LRRTM3: variants seen among roughly 807,000 people sequenced by gnomAD.
LRRTM3 encodes leucine-rich repeat transmembrane neuronal protein 3.
LRRTM3 carries 24 observed loss-of-function variants against 44.7 expected under a neutral mutation model. That is an observed-to-expected ratio of 0.54 (90% confidence interval 0.39 to 0.76). LRRTM3 has a LOEUF of 0.76. Among genes scored for constraint, LRRTM3 ranks in the 30% least tolerant of loss-of-function variants. LRRTM3 has a pLI of 0.00. For synonymous variants in LRRTM3, 277 were observed against 278.7 expected (o/e 0.99, Z 0.06); for missense variants, 587 against 702.2 (o/e 0.84, Z 1.85).
chr10:67,055,227 A>G (rs1174961815), intron 2 of LRRTM3, among the ~76,000 whole-genome samples: 1 of 152,190 alleles, frequency 6.6e-6, no homozygotes, highest in African/African-American at 2.4e-5. Context: ...ATGGAACATA[A>G]GTTTGTTTTT....
chr10:67,072,277 C>T (rs1435381390), intron 2 of LRRTM3, among the ~76,000 whole-genome samples: 1 of 152,068 alleles, frequency 6.6e-6, no homozygotes, highest in Non-Finnish European at 1.5e-5. Flanking sequence ...TCTATGTGTC[C>T]CACTTCTCCA....
chr10:67,053,441 C>T (rs1310700458), intron 2 of LRRTM3, among the ~76,000 whole-genome samples: 1 of 152,058 alleles, frequency 6.6e-6, no homozygotes, highest in African/African-American at 2.4e-5. Context: ...GTACTCAAAA[C>T]CAAATACTAA....
chr10:67,018,436 T>C (rs1852796055), intron 2 of LRRTM3, among the ~76,000 whole-genome samples: 3 of 152,242 alleles, frequency 2.0e-5, no homozygotes, highest in African/African-American at 7.2e-5. Context: ...GTATTTTGCA[T>C]TTCTAGTATG....
At chr10:67,055,049 A>T (rs539991431) in intron 2 of LRRTM3, 75 of 152,288 alleles carry the variant, frequency 4.9e-4, no homozygotes, top group African/African-American at 1.7e-3. Context: ...AGGACATTGC[A>T]GTTTTTATTT....
intron 2 of LRRTM3, among the ~76,000 whole-genome samples, chr10:66,940,105 G>A (rs1236922507): frequency 2.0e-5 from 3 of 152,042 alleles, no homozygotes; most frequent in Non-Finnish European, 2.9e-5. Context: ...AATCTGCTTG[G>A]TCCAACTTAG....
At chr10:67,031,226 C>A (rs1350637941) in intron 2 of LRRTM3, among the ~76,000 whole-genome samples, 1 of 152,014 alleles carries the variant, frequency 6.6e-6, no homozygotes, top group African/African-American at 2.4e-5. Flanking sequence ...TATAACAATA[C>A]ATTTGTCTAG....
intron 2 of LRRTM3, chr10:67,015,458 AC>A (rs1249538416): frequency 6.6e-6 from 1 of 152,112 alleles, no homozygotes; most frequent in Non-Finnish European, 1.5e-5. Context: ...CTTGAGTCAT[AC>A]TTCCCCTCCT....
chr10:66,977,389 T>C (rs1850109256), intron 2 of LRRTM3, among the ~76,000 whole-genome samples: 1 of 150,458 alleles, frequency 6.6e-6, no homozygotes, highest in African/African-American at 2.5e-5. Flanking sequence ...TGAGCCAAGA[T>C]CACGCCACTG....
At chr10:66,957,557 C>A (rs1361184366) in intron 2 of LRRTM3, among the ~76,000 whole-genome samples, 2 of 151,330 alleles carry the variant, frequency 1.3e-5, no homozygotes, top group African/African-American at 4.9e-5. Flanking sequence ...AGTCCTGGGT[C>A]CCAGTCCCAG....
At chr10:67,031,292 A>T (rs1443812108) in intron 2 of LRRTM3, among the ~76,000 whole-genome samples, 2 of 152,210 alleles carry the variant, frequency 1.3e-5, no homozygotes, top group Non-Finnish European at 2.9e-5. Context: ...CACAGGTTTT[A>T]AATTTTTCAG....
intron 2 of LRRTM3, among the ~76,000 whole-genome samples, chr10:67,019,446 G>A (rs926131674): frequency 2.6e-5 from 4 of 152,256 alleles, no homozygotes; most frequent in Non-Finnish European, 4.4e-5. Context: ...ACAAACTCCC[G>A]ACCTCAGGTG....
At chr10:66,944,755 T>C (rs1393478782) in intron 2 of LRRTM3, among the ~76,000 whole-genome samples, 1 of 152,154 alleles carries the variant, frequency 6.6e-6, no homozygotes, top group African/African-American at 2.4e-5. Flanking sequence ...TCAAAATTAT[T>C]CCCTGATTCA....
At chr10:67,045,505 T>G (rs1279774355) in intron 2 of LRRTM3, among the ~76,000 whole-genome samples, 1 of 152,194 alleles carries the variant, frequency 6.6e-6, no homozygotes, top group East Asian at 1.9e-4. Flanking sequence ...GCGAGGGAAC[T>G]GTTCTGCTAC....
intron 2 of LRRTM3, among the ~76,000 whole-genome samples, chr10:67,053,659 T>C (rs1564857908): frequency 6.6e-6 from 1 of 152,126 alleles, no homozygotes; most frequent in Admixed American, 6.5e-5. Context: ...ATGCTACCAG[T>C]CAATATCTTT....
At chr10:66,942,696 A>G (rs1332329493) in intron 2 of LRRTM3, among the ~76,000 whole-genome samples, 1 of 151,908 alleles carries the variant, frequency 6.6e-6, no homozygotes, top group Non-Finnish European at 1.5e-5. Flanking sequence ...AAACATGGAC[A>G]TATCACACCT....
At chr10:66,942,433 C>G (rs1848045818) in intron 2 of LRRTM3, among the ~76,000 whole-genome samples, 1 of 152,108 alleles carries the variant, frequency 6.6e-6, no homozygotes, top group East Asian at 1.9e-4. Flanking sequence ...CAGAAAAATT[C>G]TGTTGTTAGT....
chr10:66,998,381 A>T (rs1851477620), intron 2 of LRRTM3, among the ~76,000 whole-genome samples: 1 of 152,226 alleles, frequency 6.6e-6, no homozygotes, highest in Non-Finnish European at 1.5e-5. Context: ...ATGTAAAAGC[A>T]TAGCACAAAA....
At chr10:67,078,058 G>C (rs1390932076) in intron 2 of LRRTM3, among the ~76,000 whole-genome samples, 4 of 152,102 alleles carry the variant, frequency 2.6e-5, no homozygotes, top group Non-Finnish European at 5.9e-5. Flanking sequence ...ACAGACCAGG[G>C]TCATACTTGG....
At chr10:67,090,692 T>G (rs1475544323) in intron 2 of LRRTM3, among the ~76,000 whole-genome samples, 1 of 152,068 alleles carries the variant, frequency 6.6e-6, no homozygotes, top group East Asian at 1.9e-4. Flanking sequence ...AGTAAATGCT[T>G]AATGAATGAA....
Sources: gnomAD v4.1 joint callset for allele counts (sites outside exome capture counted in the v4.1 genomes callset) on GRCh38, gnomAD v4.1.1 for gene constraint, MANE v1.5 for transcripts, NCBI Gene and HGNC (gene_info 2026-07-23, HGNC 2026-07-21) for gene names.